ELMO1: variants seen among roughly 807,000 people sequenced by gnomAD.
ELMO1 encodes the protein engulfment and cell motility protein 1.
Under a neutral mutation model 98.9 loss-of-function variants are expected in ELMO1, and 26 were observed. The observed-to-expected ratio is 0.26, with a 90% CI of 0.19 to 0.36. The LOEUF is 0.36. Ranked by LOEUF, ELMO1 falls within the 10% of genes least tolerant of loss-of-function variation. The pLI, the probability that ELMO1 is intolerant of heterozygous loss-of-function variation, is 1.00. For synonymous variants in ELMO1, 346 were observed against 346.0 expected (o/e 1.00, Z 0.00); for missense variants, 627 against 935.2 (o/e 0.67, Z 4.30).
At chr7:36,969,505 T>C (rs1235558904) in intron 16 of ELMO1, among the ~76,000 whole-genome samples, 1 of 152,198 alleles carries the variant, frequency 6.6e-6, no homozygotes, top group Non-Finnish European at 1.5e-5. Flanking sequence ...TAACTCAGTA[T>C]GTTTACAGCC....
intron 13 of ELMO1, among the ~76,000 whole-genome samples, chr7:37,177,314 A>G (rs530415241): frequency 5.3e-4 from 80 of 152,148 alleles, no homozygotes; most frequent in Non-Finnish European, 7.2e-4. Context: ...AGCAAAATAT[A>G]CTAGCAATTA....
At chr7:37,264,860 A>T (rs1289683253) in intron 5 of ELMO1, among the ~76,000 whole-genome samples, 1 of 152,196 alleles carries the variant, frequency 6.6e-6, no homozygotes, top group Non-Finnish European at 1.5e-5. Context: ...AGTTAAAATC[A>T]TCCCCAAGAA....
chr7:37,166,905 A>G (rs1479129901), intron 13 of ELMO1, among the ~76,000 whole-genome samples: 49 of 151,984 alleles, frequency 3.2e-4, no homozygotes, highest in African/African-American at 9.2e-4. Context: ...TTAACTTTCT[A>G]TCTCGTCGAT....
At chr7:37,320,644 T>A (rs1441395457) in intron 2 of ELMO1, among the ~76,000 whole-genome samples, 2 of 152,160 alleles carry the variant, frequency 1.3e-5, no homozygotes, top group African/African-American at 4.8e-5. Flanking sequence ...ACTCTACATA[T>A]CTATCTTATC....
rs11301331 is a variant in ELMO1 at position 37,294,355 on chromosome 7, T to TA, written c.192+20494dup. ...CTAGGTGACTGAGCGAGAAGCCATT[T>TA]AAAAAAAAAAAAAAAAGGACAGGAG... On this transcript the variant is annotated intron_variant, in intron 4 of 21. Transcript: ENST00000310758. 2.2e-3 allele frequency among the ~76,000 whole-genome samples: 316 copies of TA among 142,810 alleles called. 6 individuals are homozygous for TA. Among genetic ancestry groups the TA allele is most frequent in the East Asian group, 0.016 (77 of 4,802 alleles). The allele number at this position is 142,810 out of a possible 152,430, so 93.7% of individuals were successfully genotyped here.
chr7:37,052,088 G>A (rs890196432), intron 15 of ELMO1, among the ~76,000 whole-genome samples: 8 of 151,886 alleles, frequency 5.3e-5, no homozygotes, highest in South Asian at 2.1e-4. Context: ...CTTTCACTTC[G>A]CTCAATCCCA....
chr7:37,342,770 A>G lies in ELMO1; in HGVS notation c.-73-7T>C. The G allele has an allele frequency of 8.0e-7, 1 of 1,245,540 alleles. No homozygotes were observed. Among genetic ancestry groups the G allele is most frequent in the Non-Finnish European group, 1.1e-6 (1 of 889,172 alleles). 77.2% of individuals were successfully genotyped at this position (1,245,540 alleles called of 1,614,324 possible). A position where few individuals can be genotyped will look rare whatever the true frequency, so the allele number is the denominator to read the frequency against. ...CGGCCACACGTGTCTATACCTAATG[A>G]GGAATGACAGAAAAAGAAAGAGAAG... On this transcript the variant is annotated splice_polypyrimidine_tract_variant and splice_region_variant and intron_variant, in intron 1 of 21. Transcript: ENST00000310758. The surrounding 1 kb of genome is among the most constrained non-coding windows in gnomAD (Gnocchi z 4.3).
chr7:37,307,723 C>T (rs73112603), intron 4 of ELMO1, among the ~76,000 whole-genome samples: 194 of 152,304 alleles, frequency 1.3e-3, no homozygotes, highest in Middle Eastern at 6.8e-3. Context: ...GTAAGCTCTT[C>T]GAAGGCAGAC....
In ELMO1 at chr7:37,410,595, A is replaced by C. The variant is rs539521705; in HGVS notation, c.-74+38080T>G. On this transcript the variant is annotated intron_variant, in intron 1 of 21. Coordinates refer to ENST00000310758, the MANE Select transcript of ELMO1 (RefSeq NM_014800.11). ...GTCTTCTACAAATGTTATAATGAAC[A>C]AATGAATGAATAAATGACATACATG... Among the ~76,000 whole-genome samples, 5 of 152,336 alleles carry C rather than the reference A, an allele frequency of 3.3e-5. No individual in the cohort carries two copies. The East Asian group carries it at 9.6e-4, about 29-fold the overall frequency.
intron 5 of ELMO1, among the ~76,000 whole-genome samples, chr7:37,266,734 C>T (rs1796260585): frequency 6.6e-6 from 1 of 151,946 alleles, no homozygotes; most frequent in South Asian, 2.1e-4. Context: ...TGAGTACAGC[C>T]AGGCATGGTG....
At chr7:37,279,735 C>T (rs986203128) in intron 4 of ELMO1, among the ~76,000 whole-genome samples, 1 of 152,166 alleles carries the variant, frequency 6.6e-6, no homozygotes, top group African/African-American at 2.4e-5. Flanking sequence ...AGGGATCCAA[C>T]GGGAGGGTGG....
chr7:36,995,117 A>C (rs990008937), intron 16 of ELMO1, among the ~76,000 whole-genome samples: 2 of 152,254 alleles, frequency 1.3e-5, no homozygotes, highest in African/African-American at 4.8e-5. Context: ...GGAACATTAA[A>C]GACATAGTAA....
chr7:36,863,223 T>C (rs1385007273), intron 20 of ELMO1, among the ~76,000 whole-genome samples: 3 of 152,144 alleles, frequency 2.0e-5, no homozygotes, highest in East Asian at 1.9e-4. Flanking sequence ...TCTGCAAAAA[T>C]GCTCTCCTCA....
At chr7:37,385,628 TAGAAA>T (rs1321052373) in intron 1 of ELMO1, among the ~76,000 whole-genome samples, 1 of 152,228 alleles carries the variant, frequency 6.6e-6, no homozygotes, top group African/African-American at 2.4e-5. Flanking sequence ...GATCCCTGAA[TAGAAA>T]AGAAGCTTCA....
At chr7:37,058,846 T>C (rs772360191) in intron 15 of ELMO1, among the ~76,000 whole-genome samples, 2 of 152,162 alleles carry the variant, frequency 1.3e-5, no homozygotes, top group African/African-American at 4.8e-5. Flanking sequence ...TAGTTAGCAG[T>C]GTGATATCAT....
intron 2 of ELMO1, among the ~76,000 whole-genome samples, chr7:37,326,477 C>T (rs150548863): frequency 0.016 from 2,426 of 150,984 alleles, 77 homozygotes; most frequent in African/African-American, 0.056. Context: ...ATCACTGGAA[C>T]CTGGGAGGCA....
At chr7:37,068,667 A>G (rs925940056) in intron 15 of ELMO1, among the ~76,000 whole-genome samples, 8 of 152,230 alleles carry the variant, frequency 5.3e-5, no homozygotes, top group African/African-American at 1.9e-4. Flanking sequence ...AGAGAACTAC[A>G]GTTGGTTCAT....
chr7:37,064,633 T>C (rs1796855304), intron 15 of ELMO1, among the ~76,000 whole-genome samples: 1 of 152,210 alleles, frequency 6.6e-6, no homozygotes, highest in African/African-American at 2.4e-5. Context: ...TTGATAATTA[T>C]CACTGTTATT....
At chr7:37,299,464 G>T (rs1798240900) in intron 4 of ELMO1, among the ~76,000 whole-genome samples, 1 of 102,738 alleles carries the variant, frequency 9.7e-6, no homozygotes. Context: ...GTAAGGAAGG[G>T]ATCCAGTTTC....
Sources: gnomAD v4.1 joint callset for allele counts (sites outside exome capture counted in the v4.1 genomes callset) on GRCh38, gnomAD v4.1.1 for gene constraint, Gnocchi (gnomAD v3.1) non-coding constraint, MANE v1.5 for transcripts, NCBI Gene and HGNC (gene_info 2026-07-23, HGNC 2026-07-21) for gene names.